The following VCAN variants were observed in gnomAD, a reference collection of about 807,000 sequenced individuals.
The protein encoded by VCAN is versican core protein.
Under a neutral mutation model 245.5 loss-of-function variants are expected in VCAN, and 44 were observed. The observed-to-expected ratio is 0.18, with a 90% CI of 0.14 to 0.23. The LOEUF (loss-of-function observed/expected upper bound fraction) is 0.23. Among genes scored for constraint, VCAN ranks in the 10% least tolerant of loss-of-function variants. The pLI, the probability that VCAN is intolerant of heterozygous loss-of-function variation, is 1.00. For synonymous variants in VCAN, 1,413 were observed against 1,437.0 expected (o/e 0.98, Z 0.38); for missense variants, 3,793 against 4,057.9 (o/e 0.93, Z 1.77).
intron 5 of VCAN, among the ~76,000 whole-genome samples, chr5:83,505,682 A>G (rs1475864412): frequency 6.6e-6 from 1 of 152,106 alleles, no homozygotes; most frequent in Non-Finnish European, 1.5e-5. Flanking sequence ...CCCTCTTTTC[A>G]CAGCTCCAGT....
intron 12 of VCAN, among the ~76,000 whole-genome samples, chr5:83,559,725 T>C (rs1245816509): frequency 6.6e-6 from 1 of 150,556 alleles, no homozygotes; most frequent in Non-Finnish European, 1.5e-5. Flanking sequence ...TGACACTGAG[T>C]CTTCTGAGAT....
At chr5:83,573,568 A>G (rs2112501248) in intron 13 of VCAN, among the ~76,000 whole-genome samples, 1 of 152,338 alleles carries the variant, frequency 6.6e-6, no homozygotes, top group South Asian at 2.1e-4. Flanking sequence ...AAAGACATTT[A>G]TTTACATTTT....
chr5:83,498,566 T>C (rs1322595389), intron 5 of VCAN, among the ~76,000 whole-genome samples: 1 of 152,218 alleles, frequency 6.6e-6, no homozygotes, highest in Non-Finnish European at 1.5e-5. Flanking sequence ...CTTATTAGTT[T>C]GTTTAATTTC....
intron 5 of VCAN, among the ~76,000 whole-genome samples, chr5:83,511,115 C>G (rs1331283665): frequency 6.6e-6 from 1 of 151,306 alleles, no homozygotes. Flanking sequence ...ATCTGGGGCC[C>G]GAGTGAGTGG....
chr5:83,520,459 A>G lies in VCAN; in HGVS notation c.2153A>G (p.Glu718Gly). The change falls in exon 7 of 15, where the codon GAA (glutamate) becomes GGA (glycine). Residue 718 changes from glutamate (E) to glycine (G), a missense_variant. This residue lies in a region of VCAN where 3,182 missense variants were observed against 3,250.3 expected (regional missense o/e 0.98). Transcript: ENST00000265077. ...TKSPFMGKTE[E>G]EVFSGMKLST... ...AGTCCATTTATGGGAAAAACAGAAG[A>G]AGAAGTCTTCTCTGGGATGAAACTC... The G allele has an allele frequency of 6.2e-7, 1 of 1,613,980 alleles. No homozygotes were observed. The highest frequency in any genetic ancestry group is 1.1e-5 in the South Asian group (1 of 91,076).
rs138405071 is a variant in VCAN at position 83,505,653 on chromosome 5, G to C, written c.749-6450G>C. Among the ~76,000 whole-genome samples the C allele has an allele frequency of 3.3e-3, 496 of 152,240 alleles. 2 individuals are homozygous for C. The highest frequency in any genetic ancestry group is 0.011 in the African/African-American group (475 of 41,536). ...AAGCTGTCAGTGGATCTACCATTCTGGGTTCTGGAAGATGGTGGCCCTCTT... is the reference window on the plus strand; with the variant it reads ...AAGCTGTCAGTGGATCTACCATTCTCGGTTCTGGAAGATGGTGGCCCTCTT... On this transcript the variant is annotated intron_variant, in intron 5 of 14. Coordinates refer to ENST00000265077, the MANE Select transcript of VCAN (RefSeq NM_004385.5).
chr5:83,488,625 A>T (rs909320723), intron 2 of VCAN, among the ~76,000 whole-genome samples: 2 of 152,242 alleles, frequency 1.3e-5, no homozygotes, highest in Non-Finnish European at 2.9e-5. Flanking sequence ...CCAAAATGAT[A>T]ATAGTCTTAG....
In VCAN at chr5:83,471,911, A is replaced by T. The variant is rs557823406; in HGVS notation, c.-119A>T. Reference sequence around the variant, plus strand: ...TCCAGCACCGTCCCGCACCCTCCGCATCCTTCCCCGGGCCACCACGCTTCC... The same window carrying T: ...TCCAGCACCGTCCCGCACCCTCCGCTTCCTTCCCCGGGCCACCACGCTTCC... On this transcript the variant is annotated 5_prime_UTR_variant, in exon 1 of 15. Coordinates refer to ENST00000265077, the MANE Select transcript of VCAN (RefSeq NM_004385.5). 2.5e-6 allele frequency: 1 copy of T among 393,682 alleles called. No homozygotes were observed. Among genetic ancestry groups the T allele is most frequent in the Non-Finnish European group, 4.5e-6 (1 of 223,498 alleles). The allele number at this position is 393,682 out of a possible 1,614,324, so 24.4% of individuals were successfully genotyped here.
intron 12 of VCAN, among the ~76,000 whole-genome samples, chr5:83,571,877 C>T (rs953270209): frequency 5.3e-5 from 8 of 152,204 alleles, no homozygotes; most frequent in African/African-American, 1.9e-4. Context: ...AATATTGCAA[C>T]TATCTCAACT....
intron 6 of VCAN, among the ~76,000 whole-genome samples, chr5:83,514,316 T>C (rs1204471864): frequency 2.0e-5 from 3 of 152,192 alleles, no homozygotes; most frequent in African/African-American, 4.8e-5. Flanking sequence ...ATTCATTTAG[T>C]GCGTAGAAGG....
Position 83,501,578 on chromosome 5 carries a change from T to A in VCAN, c.748+7647T>A, listed in dbSNP as rs371803015. Among the ~76,000 whole-genome samples, 4 of 152,204 alleles carry A rather than the reference T, an allele frequency of 2.6e-5. No homozygotes were observed. The East Asian group carries it at 5.8e-4, about 22-fold the overall frequency. ...TCTCCATTTAATGACCTTGGCACCC[T>A]GTTGAAAATCAATTGACCATAGGTA... is the stretch of plus-strand genomic sequence containing the variant. On this transcript the variant is annotated intron_variant, in intron 5 of 14. Coordinates refer to ENST00000265077, the MANE Select transcript of VCAN (RefSeq NM_004385.5).
At chr5:83,504,081 C>A (rs1004826912) in intron 5 of VCAN, among the ~76,000 whole-genome samples, 1 of 152,138 alleles carries the variant, frequency 6.6e-6, no homozygotes, top group African/African-American at 2.4e-5. Flanking sequence ...AGCTAGTGAT[C>A]AAATTAGAGT....
chr5:83,481,700 G>A (rs985490), intron 1 of VCAN, among the ~76,000 whole-genome samples: 56,886 of 151,960 alleles, frequency 0.37, 10,898 homozygotes, highest in East Asian at 0.5. Context: ...AATATAAGAT[G>A]TATAATGTAT....
chr5:83,539,181 A>C lies in VCAN; in HGVS notation c.6178A>C (p.Ile2060Leu), dbSNP rs1364807739. 5 of 1,614,006 alleles carry C rather than the reference A, an allele frequency of 3.1e-6. No individual in the cohort carries two copies. The South Asian group carries it at 4.4e-5, about 14-fold the overall frequency. The change falls in exon 8 of 15, where the codon ATT becomes CTT. Residue 2060 changes from isoleucine (I) to leucine (L), a missense_variant. This residue lies in a region of VCAN where 3,182 missense variants were observed against 3,250.3 expected (regional missense o/e 0.98). Transcript: ENST00000265077. Reference sequence around the variant, plus strand: ...CAATGAAATTGATAGAAGATCCACCATTTTACCAACAGCAGAAGTGGAAGG... The same window carrying C: ...CAATGAAATTGATAGAAGATCCACCCTTTTACCAACAGCAGAAGTGGAAGG... ...TVNEIDRRST[I>L]LPTAEVEGTK...
rs779346006 is a variant in VCAN at position 83,537,643 on chromosome 5, C to T, written c.4640C>T (p.Ser1547Phe). 1 of 1,613,828 alleles carries T rather than the reference C, an allele frequency of 6.2e-7. No individual in the cohort carries two copies. Among genetic ancestry groups the T allele is most frequent in the South Asian group, 1.1e-5 (1 of 91,078 alleles). Residue 1547 changes from serine to phenylalanine, a missense_variant, in exon 8 of 15, where the codon TCT becomes TTT. Physicochemically the swap from Ser to Phe is radical, Grantham distance 155. Transcript: ENST00000265077. ...TEPVSLFPEE[S>F]SGEIAIDQES... ...CCTGTATCTCTGTTTCCTGAAGAGT[C>T]TTCAGGAGAGATTGCCATTGACCAA...
At chr5:83,483,089 T>C (rs1405528744) in intron 1 of VCAN, among the ~76,000 whole-genome samples, 3 of 152,216 alleles carry the variant, frequency 2.0e-5, no homozygotes, top group Non-Finnish European at 4.4e-5. Flanking sequence ...CCCCATCTTC[T>C]CTTGCTCTAT....
intron 12 of VCAN, among the ~76,000 whole-genome samples, chr5:83,565,970 C>G (rs373360944): frequency 2.8e-5 from 4 of 140,682 alleles, no homozygotes; most frequent in African/African-American, 1.0e-4. Flanking sequence ...TTTTTTTTTT[C>G]TTTTTTTTTT....
chr5:83,503,435 A>G (rs533834562), intron 5 of VCAN, among the ~76,000 whole-genome samples: 34 of 152,310 alleles, frequency 2.2e-4, no homozygotes, highest in African/African-American at 7.7e-4. Flanking sequence ...TTTATTACTT[A>G]TACACCATTT....
At chr5:83,570,652 A>G (rs73148665) in intron 12 of VCAN, among the ~76,000 whole-genome samples, 1 of 152,224 alleles carries the variant, frequency 6.6e-6, no homozygotes, top group African/African-American at 2.4e-5. Flanking sequence ...TATTGTGCCA[A>G]GTATTAGAGA....
Sources: allele counts gnomAD v4.1 joint callset (sites outside exome capture counted in the v4.1 genomes callset), GRCh38; gene constraint gnomAD v4.1.1; regional missense constraint gnomAD v4.1.1; transcripts MANE v1.5; gene names NCBI Gene and HGNC (gene_info 2026-07-23, HGNC 2026-07-21).